The following EPG5 variants were observed in gnomAD, a reference collection of about 807,000 sequenced individuals.
EPG5 encodes the protein ectopic P-granules 5 autophagy tethering factor.
In EPG5, 159 loss-of-function variants were observed where a neutral mutation model predicts 302.7. The observed-to-expected ratio is 0.53, with a 90% CI of 0.46 to 0.60. The LOEUF is 0.60. Among genes scored for constraint, EPG5 ranks in the 20% least tolerant of loss-of-function variants. The probability of loss-of-function intolerance (pLI) is 0.00; values close to 1 mark genes in which losing one functional copy is unlikely to be tolerated. For synonymous variants in EPG5, 1,158 were observed against 1,136.8 expected (o/e 1.02, Z -0.37); for missense variants, 2,896 against 3,092.4 (o/e 0.94, Z 1.51).
At chr18:45,821,470 T>C in the EPG5 span, among the ~76,000 whole-genome samples, 4 of 152,178 alleles carry the variant, frequency 2.6e-5, no homozygotes, top group Admixed American at 2.6e-4. Flanking sequence ...TGAGAATATC[T>C]AACCTAAATA....
intron 1 of EPG5, among the ~76,000 whole-genome samples, 164 bp from the exon 2 acceptor site, chr18:45,955,502 AGAAATGTGTTT>A (rs2051007899): frequency 6.6e-6 from 1 of 152,252 alleles, no homozygotes; most frequent in Admixed American, 6.5e-5. Flanking sequence ...AATATGAAAC[AGAAATGTGTTT>A]CATATTTCGT....
chr18:45,843,123 G>T (rs1393429665), downstream of EPG5: 1 of 152,316 alleles, frequency 6.6e-6, no homozygotes, highest in African/African-American at 2.4e-5. Flanking sequence ...AGGAGCTGAA[G>T]CCGGGAGACC....
chr18:45,829,712 C>T, the EPG5 span, among the ~76,000 whole-genome samples: 1 of 152,124 alleles, frequency 6.6e-6, no homozygotes, highest in African/African-American at 2.4e-5. Flanking sequence ...CTCATACTGG[C>T]CACTCGTCAG....
intron 22 of EPG5, among the ~76,000 whole-genome samples, 195 bp from the exon 23 acceptor site, chr18:45,910,937 A>G (rs536956590): frequency 2.6e-5 from 4 of 152,276 alleles, no homozygotes; most frequent in Admixed American, 2.6e-4. Flanking sequence ...TAGTTTTAAA[A>G]AGTGTGAAAT....
At chr18:45,894,669 AG>A (rs2145534640) in intron 27 of EPG5, among the ~76,000 whole-genome samples, 1 of 152,324 alleles carries the variant, frequency 6.6e-6, no homozygotes, top group Admixed American at 6.5e-5. Context: ...TGAGCAAGAA[AG>A]AGGTCAGAAA....
the EPG5 span, among the ~76,000 whole-genome samples, chr18:45,801,368 T>C: frequency 6.1e-4 from 93 of 152,272 alleles, no homozygotes; most frequent in Non-Finnish European, 1.1e-3. Flanking sequence ...AGGGTCTCAC[T>C]ATGTTGTCCA....
At chr18:45,946,599 A>G (rs1012705952) in intron 7 of EPG5, 64 bp downstream of exon 7, 2 of 1,247,162 alleles carry the variant, frequency 1.6e-6, no homozygotes, top group Admixed American at 1.7e-5. Context: ...TGCTTAGAAC[A>G]ATACTTGGTG....
chr18:45,961,702 A>T (rs1460201643), intron 1 of EPG5, among the ~76,000 whole-genome samples: 1 of 152,110 alleles, frequency 6.6e-6, no homozygotes, highest in Non-Finnish European at 1.5e-5. Context: ...CTAAAAGTAA[A>T]AAAACATTAG....
chr18:45,886,369 A>T (rs10164218), intron 29 of EPG5, among the ~76,000 whole-genome samples: 87,431 of 152,056 alleles, frequency 0.57, 25,563 homozygotes, highest in Non-Finnish European at 0.64. Flanking sequence ...ATGCAATGTC[A>T]TGATATAGGT....
At chr18:45,845,991 A>C (rs2048360176), downstream of EPG5, among the ~76,000 whole-genome samples, 1 of 152,272 alleles carries the variant, frequency 6.6e-6, no homozygotes, top group East Asian at 1.9e-4. Flanking sequence ...GGCTGGAGAC[A>C]CCATGGGCTG....
chr18:45,804,296 G>A, the EPG5 span, among the ~76,000 whole-genome samples: 5 of 152,134 alleles, frequency 3.3e-5, no homozygotes, highest in Non-Finnish European at 5.9e-5. Context: ...GGGTGGTATT[G>A]AAAGGTCTAA....
chr18:45,836,317 G>A, the EPG5 span, among the ~76,000 whole-genome samples: 4 of 152,142 alleles, frequency 2.6e-5, no homozygotes, highest in East Asian at 7.7e-4. Flanking sequence ...TGGTATCTAT[G>A]AAAGCACTGT....
the EPG5 span, among the ~76,000 whole-genome samples, chr18:45,804,117 A>C: frequency 6.6e-6 from 1 of 152,234 alleles, no homozygotes; most frequent in Non-Finnish European, 1.5e-5. Context: ...TAAAATTATA[A>C]TCAAATGGAA....
At chr18:45,903,923 T>TTCAA (rs747125894) in intron 25 of EPG5, 50 bp downstream of exon 25, 2 of 1,554,668 alleles carry the variant, frequency 1.3e-6, no homozygotes, top group Non-Finnish European at 1.7e-6. Flanking sequence ...ATGGCTCTGA[T>TTCAA]TCAATCATTC....
chr18:45,839,016 C>A, the EPG5 span: 1 of 1,587,064 alleles, frequency 6.3e-7, no homozygotes, highest in Non-Finnish European at 8.5e-7. Context: ...CGACGGTCGC[C>A]CTCCTGCTCG....
chr18:45,817,923 T>TA, the EPG5 span, among the ~76,000 whole-genome samples: 1 of 152,220 alleles, frequency 6.6e-6, no homozygotes, highest in African/African-American at 2.4e-5. Context: ...TACAAAAACT[T>TA]AAACTATCAC....
the EPG5 span, among the ~76,000 whole-genome samples, chr18:45,808,056 A>C: frequency 2.6e-5 from 4 of 152,216 alleles, no homozygotes; most frequent in African/African-American, 7.2e-5. Context: ...TCAGGAAACA[A>C]TGGACACACT....
chr18:45,868,063 G>C lies in EPG5; in HGVS notation c.6226-315C>G, dbSNP rs2145281338. 1.0e-5 allele frequency: 5 copies of C among 480,482 alleles called. No homozygotes were observed. In the Middle Eastern group the frequency reaches 1.2e-3, roughly 119 times the overall value. 29.8% of individuals were successfully genotyped at this position (480,482 alleles called of 1,614,324 possible). A position where few individuals can be genotyped will look rare whatever the true frequency, so the allele number is the denominator to read the frequency against. ...GCCACAGTAAGTCACTGGAGCTGCA[G>C]GGAGTGTATCAGAATCCTCAGGTGT... On this transcript the variant is annotated intron_variant, in intron 36 of 43. Transcript: ENST00000282041.
intron 24 of EPG5, among the ~76,000 whole-genome samples, chr18:45,907,624 G>T (rs2049785761): frequency 6.6e-6 from 1 of 152,048 alleles, no homozygotes. Context: ...ATGTAAGAAT[G>T]GGAGTAGAGA....
Sources: allele counts gnomAD v4.1 joint callset (sites outside exome capture counted in the v4.1 genomes callset), GRCh38; gene constraint gnomAD v4.1.1; transcripts MANE v1.5; gene names NCBI Gene and HGNC (gene_info 2026-07-23, HGNC 2026-07-21).